PAK5: variants seen among roughly 807,000 people sequenced by gnomAD.
PAK5 encodes p21 (RAC1) activated kinase 5.
Under a neutral mutation model 65.9 loss-of-function variants are expected in PAK5, and 16 were observed. The observed-to-expected ratio is 0.24, with a 90% CI of 0.16 to 0.37. The LOEUF (loss-of-function observed/expected upper bound fraction) is 0.37, where lower values mean the gene tolerates loss of function less well. Ranked by LOEUF, PAK5 falls within the 10% of genes least tolerant of loss-of-function variation. The probability of loss-of-function intolerance (pLI) is 1.00; values close to 1 mark genes in which losing one functional copy is unlikely to be tolerated. For synonymous variants in PAK5, 371 were observed against 354.9 expected, an observed-to-expected ratio of 1.05 and a Z score of -0.51; for missense variants, 785 against 903.9, an observed-to-expected ratio of 0.87 and a Z score of 1.69.
At chr20:9,589,498 T>C (rs2046129091) in intron 3 of PAK5, among the ~76,000 whole-genome samples, 1 of 152,326 alleles carries the variant, frequency 6.6e-6, no homozygotes, top group Non-Finnish European at 1.5e-5. Flanking sequence ...ACAACAGTGG[T>C]TGGGGCTAAT....
At chr20:9,582,037 T>A (rs189857271) in intron 3 of PAK5, among the ~76,000 whole-genome samples, 29 of 152,334 alleles carry the variant, frequency 1.9e-4, no homozygotes, top group African/African-American at 6.3e-4. Context: ...AGTCCTGGAC[T>A]AATAGTTTTG....
At chr20:9,788,099 G>T (rs1212245414) in intron 1 of PAK5, among the ~76,000 whole-genome samples, 2 of 151,950 alleles carry the variant, frequency 1.3e-5, no homozygotes, top group Non-Finnish European at 2.9e-5. Context: ...ACAAATTAAA[G>T]AAAGCATTGA....
chr20:9,614,659 G>A (rs1386913136), intron 3 of PAK5, among the ~76,000 whole-genome samples: 3 of 152,184 alleles, frequency 2.0e-5, no homozygotes, highest in Non-Finnish European at 4.4e-5. Context: ...CAAGCAAGAA[G>A]ACAGTGGAGT....
chr20:9,725,393 T>C (rs2048264497), intron 1 of PAK5, among the ~76,000 whole-genome samples: 1 of 152,150 alleles, frequency 6.6e-6, no homozygotes, highest in African/African-American at 2.4e-5. Flanking sequence ...ACTGTACCAT[T>C]TTTGGTCATC....
intron 2 of PAK5, among the ~76,000 whole-genome samples, chr20:9,686,541 G>A (rs543910989): frequency 3.9e-5 from 6 of 152,156 alleles, no homozygotes; most frequent in African/African-American, 9.6e-5. Flanking sequence ...ACAGGTGTGC[G>A]CCCCTGCAGC....
chr20:9,551,452 A>T (rs373408858), intron 7 of PAK5, among the ~76,000 whole-genome samples: 1 of 152,266 alleles, frequency 6.6e-6, no homozygotes. Context: ...TAAACATGAG[A>T]TCCTATCCAT....
intron 3 of PAK5, among the ~76,000 whole-genome samples, chr20:9,629,841 A>G (rs1202667522): frequency 1.3e-5 from 2 of 152,190 alleles, no homozygotes; most frequent in South Asian, 2.1e-4. Context: ...GGGAATTTTG[A>G]GGAACATGGT....
Position 9,580,500 on chromosome 20 carries a change from T to G in PAK5, c.635A>C (p.Tyr212Ser), listed in dbSNP as rs763372348. ...HLDSLSKPSE[Y>S]SDLKWEYQRA... The stretch of plus-strand genomic sequence containing the variant: ...CTGATACTCCCACTTGAGGTCACTG[T>G]ATTCACTTGGTTTGCTCAGTGAGTC... The change falls in exon 4 of 10, where the codon TAC becomes TCC. Residue 212 changes from tyrosine to serine, a missense_variant. Tyr to Ser is a moderately radical substitution (Grantham distance 144). Coordinates refer to ENST00000353224, the MANE Select transcript of PAK5 (RefSeq NM_177990.4). 6.2e-7 allele frequency: 1 copy of G among 1,614,164 alleles called. No individual in the cohort carries two copies. Among genetic ancestry groups the G allele is most frequent in the South Asian group, 1.1e-5 (1 of 91,076 alleles).
chr20:9,804,902 A>G (rs1265312253), intron 1 of PAK5, among the ~76,000 whole-genome samples: 1 of 152,064 alleles, frequency 6.6e-6, no homozygotes, highest in Non-Finnish European at 1.5e-5. Flanking sequence ...AAAACAACAA[A>G]CAAACAAAAA....
At chr20:9,602,805 C>T (rs542374870) in intron 3 of PAK5, among the ~76,000 whole-genome samples, 1 of 152,280 alleles carries the variant, frequency 6.6e-6, no homozygotes, top group African/African-American at 2.4e-5. Flanking sequence ...CAAGGATATT[C>T]CCCATCTTGC....
intron 4 of PAK5, among the ~76,000 whole-genome samples, 155 bp from the exon 5 acceptor site, chr20:9,566,539 G>A (rs954399348): frequency 6.6e-6 from 1 of 152,072 alleles, no homozygotes; most frequent in Non-Finnish European, 1.5e-5. Flanking sequence ...GCCACACCTA[G>A]GGAAGGGCCT....
chr20:9,756,852 C>T (rs1031159026), intron 1 of PAK5, among the ~76,000 whole-genome samples: 10 of 152,132 alleles, frequency 6.6e-5, no homozygotes, highest in African/African-American at 2.2e-4. Context: ...CCCAGAGGGC[C>T]TTTATCTCAC....
intron 1 of PAK5, among the ~76,000 whole-genome samples, chr20:9,753,534 T>A (rs2048600207): frequency 1.3e-5 from 2 of 152,088 alleles, no homozygotes; most frequent in African/African-American, 4.8e-5. Context: ...TCTTAATTCT[T>A]GGGGCCAATT....
intron 2 of PAK5, among the ~76,000 whole-genome samples, chr20:9,709,778 A>G (rs573864889): frequency 6.6e-6 from 1 of 152,268 alleles, no homozygotes; most frequent in East Asian, 1.9e-4. Context: ...TTGAGCTATC[A>G]TGAAAAACTC....
At chr20:9,737,795 T>C (rs1005024943) in intron 1 of PAK5, among the ~76,000 whole-genome samples, 3 of 152,172 alleles carry the variant, frequency 2.0e-5, no homozygotes, top group African/African-American at 7.2e-5. Context: ...ACTGTGTTCT[T>C]ATTAGAATTG....
At chr20:9,617,674 G>T (rs562619333) in intron 3 of PAK5, among the ~76,000 whole-genome samples, 3 of 148,250 alleles carry the variant, frequency 2.0e-5, no homozygotes, top group East Asian at 2.1e-4. Flanking sequence ...TTCCGCCTCA[G>T]CCTCCCGAGT....
chr20:9,580,024 A>G (rs373397166), intron 4 of PAK5, 121 bp downstream of exon 4: 60 of 837,148 alleles, frequency 7.2e-5, no homozygotes, highest in East Asian at 6.9e-4. Flanking sequence ...GGGTTTTGAT[A>G]TTGATTTTCC....
intron 2 of PAK5, among the ~76,000 whole-genome samples, chr20:9,656,268 G>A (rs754392074): frequency 6.6e-6 from 1 of 152,030 alleles, no homozygotes; most frequent in Non-Finnish European, 1.5e-5. Context: ...TTTGTTGAAT[G>A]AATAGTCACT....
At chr20:9,798,394 T>C (rs1299181087) in intron 1 of PAK5, among the ~76,000 whole-genome samples, 2 of 152,194 alleles carry the variant, frequency 1.3e-5, no homozygotes, top group East Asian at 1.9e-4. Flanking sequence ...GGTTAGACTG[T>C]ACAGGATTCA....
Sources: allele counts gnomAD v4.1 joint callset (sites outside exome capture counted in the v4.1 genomes callset), GRCh38; gene constraint gnomAD v4.1.1; transcripts MANE v1.5; gene names NCBI Gene and HGNC (gene_info 2026-07-23, HGNC 2026-07-21).